The following ALG14 variants were observed in gnomAD, a reference collection of about 807,000 sequenced individuals.
ALG14 encodes UDP-N-acetylglucosamine transferase subunit ALG14.
ALG14 carries 17 observed loss-of-function variants against 22.8 expected under a neutral mutation model. The ratio of observed to expected loss-of-function variants is 0.75; its 90% CI spans 0.51 to 1.12. The LOEUF is 1.12. ALG14 is among the 50% of genes most tolerant of loss of function. The probability of loss-of-function intolerance (pLI) is 0.00; values close to 1 mark genes in which losing one functional copy is unlikely to be tolerated. For synonymous variants in ALG14, 89 were observed against 103.7 expected (o/e 0.86, Z 0.86); for missense variants, 288 against 271.8 (o/e 1.06, Z -0.42).
intron 2 of ALG14, among the ~76,000 whole-genome samples, chr1:95,040,035 G>C (rs1378192918): frequency 6.6e-6 from 1 of 151,946 alleles, no homozygotes; most frequent in Non-Finnish European, 1.5e-5. Context: ...AGCCAGGTGT[G>C]GTGGCTCGCA....
At chr1:95,010,192 C>T (rs1377019112) in intron 3 of ALG14, among the ~76,000 whole-genome samples, 1 of 152,158 alleles carries the variant, frequency 6.6e-6, no homozygotes, top group African/African-American at 2.4e-5. Context: ...TCCATCCTCC[C>T]AAACCTTTCA....
chr1:94,991,474 T>A (rs1672770243), intron 3 of ALG14, among the ~76,000 whole-genome samples: 1 of 152,222 alleles, frequency 6.6e-6, no homozygotes, highest in African/African-American at 2.4e-5. Flanking sequence ...TATTTGTAGA[T>A]CTAAACACAT....
At chr1:95,006,387 G>A (rs1673221606) in intron 3 of ALG14, among the ~76,000 whole-genome samples, 1 of 147,492 alleles carries the variant, frequency 6.8e-6, no homozygotes, top group South Asian at 2.1e-4. Context: ...GAAAAGGCAT[G>A]ATATAAAAAG....
rs540765041 is a variant in ALG14, at chr1:94,991,943, A to G, written c.421-8637T>C. 7.9e-5 allele frequency among the ~76,000 whole-genome samples: 12 copies of G among 152,204 alleles called. No individual in the cohort carries two copies. The East Asian group carries it at 2.3e-3, about 29-fold the overall frequency. ...CCTACACAGCATCAGAATCATCAAT[A>G]TCACTGTCTTCCACCTCCACATCTT... On this transcript the variant is annotated intron_variant, in intron 3 of 3. Coordinates refer to ENST00000370205, the MANE Select transcript of ALG14 (RefSeq NM_144988.4).
At chr1:94,985,308 G>A (rs1672614327) in intron 3 of ALG14, among the ~76,000 whole-genome samples, 2 of 152,108 alleles carry the variant, frequency 1.3e-5, no homozygotes, top group South Asian at 4.1e-4. Context: ...TAATATTTTG[G>A]ACTGGATATT....
intron 3 of ALG14, among the ~76,000 whole-genome samples, chr1:95,000,777 T>TAAAAAAAAAAAAAA (rs56810994): frequency 4.6e-5 from 3 of 65,210 alleles, no homozygotes; most frequent in African/African-American, 5.7e-5. Flanking sequence ...TATGCCACAC[T>TAAAAAAAAAAAAAA]AAAAAAAAAA....
At chr1:95,016,878 G>A (rs1311344107) in intron 3 of ALG14, among the ~76,000 whole-genome samples, 1 of 151,482 alleles carries the variant, frequency 6.6e-6, no homozygotes, top group Non-Finnish European at 1.5e-5. Flanking sequence ...TAGACAGGTA[G>A]TCACTATTTA....
At chr1:95,030,484 A>C (rs1044448724) in intron 2 of ALG14, among the ~76,000 whole-genome samples, 10 of 152,176 alleles carry the variant, frequency 6.6e-5, no homozygotes, top group Non-Finnish European at 1.3e-4. Context: ...ACTTCCACCA[A>C]ATTGTGTGGC....
chr1:94,983,435 AC>A, intron 3 of ALG14, 129 bp from the exon 4 acceptor site: 1 of 769,626 alleles, frequency 1.3e-6, no homozygotes, highest in Non-Finnish European at 2.1e-6. Flanking sequence ...TCTGTCAAGA[AC>A]CAGGATGCAG....
At chr1:95,019,708 C>T (rs1282866117) in intron 3 of ALG14, among the ~76,000 whole-genome samples, 1 of 152,158 alleles carries the variant, frequency 6.6e-6, no homozygotes, top group African/African-American at 2.4e-5. Context: ...TGGCCGGGCA[C>T]AGTGGCTCAC....
chr1:95,059,982 T>C (rs368544227), intron 2 of ALG14, among the ~76,000 whole-genome samples: 8 of 152,050 alleles, frequency 5.3e-5, no homozygotes, highest in Non-Finnish European at 1.0e-4. Context: ...GTGAGCTCCA[T>C]GGAAGGTACA....
At chr1:95,065,185 G>A (rs1047288007) in intron 1 of ALG14, among the ~76,000 whole-genome samples, 168 bp from the exon 2 acceptor site, 30 of 152,050 alleles carry the variant, frequency 2.0e-4, no homozygotes, top group Non-Finnish European at 2.4e-4. Flanking sequence ...CTATGCCCTC[G>A]TATAAATACA....
At chr1:94,987,305 T>C (rs1553223877) in intron 3 of ALG14, among the ~76,000 whole-genome samples, 2 of 152,180 alleles carry the variant, frequency 1.3e-5, no homozygotes, top group Non-Finnish European at 2.9e-5. Context: ...TCACTGGCAA[T>C]AGAAGCATAC....
chr1:95,006,211 T>C (rs1457479413), intron 3 of ALG14, among the ~76,000 whole-genome samples: 1 of 152,214 alleles, frequency 6.6e-6, no homozygotes, highest in Non-Finnish European at 1.5e-5. Flanking sequence ...TGATTATGCC[T>C]CCTGGTTTGT....
chr1:95,003,384 C>T (rs1238604980), intron 3 of ALG14, among the ~76,000 whole-genome samples: 7 of 151,700 alleles, frequency 4.6e-5, no homozygotes, highest in Admixed American at 4.6e-4. Context: ...TAATATTCCA[C>T]AGTGGTTGTG....
intron 3 of ALG14, among the ~76,000 whole-genome samples, chr1:95,002,714 C>G (rs1673099890): frequency 6.6e-6 from 1 of 152,154 alleles, no homozygotes; most frequent in Non-Finnish European, 1.5e-5. Context: ...TGAATTAAAG[C>G]AACGATAGTA....
intron 1 of ALG14, among the ~76,000 whole-genome samples, chr1:95,065,919 TAGAA>T (rs1236650022): frequency 6.6e-6 from 1 of 152,160 alleles, no homozygotes; most frequent in Admixed American, 6.5e-5. Context: ...AAAACAACAA[TAGAA>T]TATCTACCTA....
In ALG14 at chr1:95,064,859, C is replaced by G; in HGVS notation, c.288+7G>C. The G allele has an allele frequency of 6.2e-7, 1 of 1,602,486 alleles. No individual in the cohort carries two copies. The highest frequency in any genetic ancestry group is 2.2e-5 in the East Asian group (1 of 44,712). On this transcript the variant is annotated splice_region_variant and intron_variant, in intron 2 of 3. Coordinates refer to ENST00000370205, the MANE Select transcript of ALG14 (RefSeq NM_144988.4). ...TAATTTTCTTAGAAATAGAAATTGT[C>G]ACTTACCATGTTACTAGGGTCTCTA...
chr1:95,043,794 G>C (rs1354968029), intron 2 of ALG14, among the ~76,000 whole-genome samples: 1 of 151,774 alleles, frequency 6.6e-6, no homozygotes, highest in Non-Finnish European at 1.5e-5. Context: ...AGAGAGGAGA[G>C]AGAAAGAGAG....
Sources: allele counts gnomAD v4.1 joint callset (sites outside exome capture counted in the v4.1 genomes callset), GRCh38; gene constraint gnomAD v4.1.1; transcripts MANE v1.5; gene names NCBI Gene and HGNC (gene_info 2026-07-23, HGNC 2026-07-21).